PARP15: variants seen among roughly 807,000 people sequenced by gnomAD.
The protein encoded by PARP15 is poly(ADP-ribose) polymerase family member 15.
PARP15 carries 50 observed loss-of-function variants against 62.1 expected under a neutral mutation model. The observed-to-expected ratio is 0.81, with a 90% CI of 0.64 to 1.02. The LOEUF is 1.02. Among genes scored for constraint, PARP15 ranks in the 50% least tolerant of loss-of-function variants. PARP15 has a pLI of 0.00. For synonymous variants in PARP15, 309 were observed against 293.1 expected (o/e 1.05, Z -0.55); for missense variants, 820 against 826.5 (o/e 0.99, Z 0.10).
chr3:122,584,638 C>T (rs1161293816), intron 1 of PARP15, among the ~76,000 whole-genome samples: 2 of 134,090 alleles, frequency 1.5e-5, no homozygotes, highest in African/African-American at 5.8e-5. Flanking sequence ...CAATGAATGG[C>T]ACAATTTTGG....
chr3:122,627,892 T>C (rs1239703767), intron 9 of PARP15, among the ~76,000 whole-genome samples: 3 of 152,258 alleles, frequency 2.0e-5, no homozygotes, highest in African/African-American at 4.8e-5. Flanking sequence ...GTTAAAGTTC[T>C]TGCAGTAGCA....
chr3:122,588,136 C>T (rs980824590), intron 1 of PARP15, among the ~76,000 whole-genome samples: 1 of 152,110 alleles, frequency 6.6e-6, no homozygotes, highest in African/African-American at 2.4e-5. Context: ...CTACATTTTG[C>T]TTTCATTTTA....
rs569905744 is a variant in PARP15 at position 122,594,603 on chromosome 3, C to T, written c.187-11333C>T. 3.3e-5 allele frequency: 31 copies of T among 950,798 alleles called. No individual in the cohort carries two copies. In the South Asian group the frequency reaches 1.2e-3, roughly 37 times the overall value. 58.9% of individuals were successfully genotyped at this position (950,798 alleles called of 1,614,324 possible). A position where few individuals can be genotyped will look rare whatever the true frequency, so the allele number is the denominator to read the frequency against. On this transcript the variant is annotated intron_variant, in intron 1 of 11. Coordinates refer to ENST00000464300, the MANE Select transcript of PARP15 (RefSeq NM_001113523.3). Reference sequence around the variant, plus strand: ...ATAGGGTAGGGGAGGTTGAAATTGACGTTGTGAAATCTAACTTTACATAGA... The same window carrying T: ...ATAGGGTAGGGGAGGTTGAAATTGATGTTGTGAAATCTAACTTTACATAGA...
chr3:122,588,976 G>T (rs1472882859), intron 1 of PARP15, among the ~76,000 whole-genome samples: 7 of 152,124 alleles, frequency 4.6e-5, no homozygotes, highest in African/African-American at 1.4e-4. Flanking sequence ...TATCCATTCA[G>T]TTGGTGGACA....
chr3:122,593,090 GTCTATCTATCTA>G (rs3052715), intron 1 of PARP15, among the ~76,000 whole-genome samples: 1 of 147,866 alleles, frequency 6.8e-6, no homozygotes, highest in African/African-American at 2.5e-5. Context: ...AAAATTATCT[GTCTATCTATCTA>G]TCTATCTATC....
rs562737376 is a variant in PARP15 at position 122,608,142 on chromosome 3, C to T, written c.306+2087C>T. ...AGCCGCTCTTCTCACTACTGAACCTCTGCTTTAGCTAAATTTGGACTACTT... is the reference window on the plus strand; with the variant it reads ...AGCCGCTCTTCTCACTACTGAACCTTTGCTTTAGCTAAATTTGGACTACTT... On this transcript the variant is annotated intron_variant, in intron 2 of 11. Coordinates refer to ENST00000464300, the MANE Select transcript of PARP15 (RefSeq NM_001113523.3). Among the ~76,000 whole-genome samples, 563 of 152,028 alleles carry T rather than the reference C, an allele frequency of 3.7e-3. 2 individuals carry two copies. The highest frequency in any genetic ancestry group is 6.9e-3 in the Non-Finnish European group (468 of 67,980).
At chr3:122,623,190 C>T (rs1271016661) in intron 8 of PARP15, among the ~76,000 whole-genome samples, 1 of 152,206 alleles carries the variant, frequency 6.6e-6, no homozygotes, top group Non-Finnish European at 1.5e-5. Flanking sequence ...TCATGCATTT[C>T]TCCCGATCTG....
chr3:122,577,893 G>A (rs1476270246), intron 1 of PARP15, 40 bp downstream of exon 1: 2 of 1,492,474 alleles, frequency 1.3e-6, no homozygotes, highest in East Asian at 5.0e-5. Flanking sequence ...GGGGACAGCA[G>A]GGCTGAGCCT....
intron 1 of PARP15, among the ~76,000 whole-genome samples, chr3:122,593,581 A>G (rs1223909354): frequency 6.6e-6 from 1 of 152,216 alleles, no homozygotes; most frequent in African/African-American, 2.4e-5. Flanking sequence ...GTAACCATGC[A>G]TTTGTACATC....
At chr3:122,600,542 G>A (rs1227160272) in intron 1 of PARP15, among the ~76,000 whole-genome samples, 1 of 152,008 alleles carries the variant, frequency 6.6e-6, no homozygotes, top group Non-Finnish European at 1.5e-5. Flanking sequence ...CTCTACTCCT[G>A]CAAGTTAAAG....
chr3:122,622,608 A>G (rs888097584), intron 8 of PARP15, among the ~76,000 whole-genome samples: 3 of 152,178 alleles, frequency 2.0e-5, no homozygotes, highest in Admixed American at 6.5e-5. Flanking sequence ...AAATGCCGTT[A>G]CCTAGGCTCT....
At chr3:122,593,077 G>T (rs922062356) in intron 1 of PARP15, among the ~76,000 whole-genome samples, 3 of 76,344 alleles carry the variant, frequency 3.9e-5, no homozygotes, top group East Asian at 7.6e-4. Context: ...TAGACTAAAA[G>T]ATAAAATTAT....
chr3:122,623,221 G>C (rs1033098635), intron 8 of PARP15, among the ~76,000 whole-genome samples: 1 of 152,086 alleles, frequency 6.6e-6, no homozygotes, highest in African/African-American at 2.4e-5. Flanking sequence ...CACACCATCT[G>C]GCAAATTACA....
intron 1 of PARP15, among the ~76,000 whole-genome samples, chr3:122,592,010 A>G (rs977697732): frequency 6.6e-6 from 1 of 152,202 alleles, no homozygotes; most frequent in Non-Finnish European, 1.5e-5. Context: ...AATTAGTTCA[A>G]CCATTGTGGA....
chr3:122,580,199 T>C (rs1320055939), intron 1 of PARP15, among the ~76,000 whole-genome samples: 1 of 151,692 alleles, frequency 6.6e-6, no homozygotes, highest in Admixed American at 6.6e-5. Context: ...CAAGTCCTCA[T>C]GTCCTTACTG....
chr3:122,596,412 G>A (rs1308206195), intron 1 of PARP15, among the ~76,000 whole-genome samples: 1 of 139,632 alleles, frequency 7.2e-6, no homozygotes, highest in Non-Finnish European at 1.5e-5. Context: ...AACAAAAACT[G>A]CTTACCCTCT....
At chr3:122,609,470 G>A (rs1182261556) in intron 2 of PARP15, among the ~76,000 whole-genome samples, 1 of 152,034 alleles carries the variant, frequency 6.6e-6, no homozygotes, top group East Asian at 1.9e-4. Flanking sequence ...GGCCAAGGTG[G>A]GCAGGTCACT....
intron 2 of PARP15, among the ~76,000 whole-genome samples, chr3:122,607,517 A>G (rs1309218527): frequency 6.6e-6 from 1 of 152,248 alleles, no homozygotes; most frequent in Non-Finnish European, 1.5e-5. Flanking sequence ...TGCCTTGCAC[A>G]TAATAAGGAC....
At chr3:122,610,460 G>A in intron 2 of PARP15, 34 bp from the exon 3 acceptor site, 1 of 1,499,092 alleles carries the variant, frequency 6.7e-7, no homozygotes, top group Non-Finnish European at 9.1e-7. Context: ...ATGTATTATT[G>A]ATTCAATCTC....
Sources: gnomAD v4.1 joint callset for allele counts (sites outside exome capture counted in the v4.1 genomes callset) on GRCh38, gnomAD v4.1.1 for gene constraint, MANE v1.5 for transcripts, NCBI Gene and HGNC (gene_info 2026-07-23, HGNC 2026-07-21) for gene names.